CFAP57: variants seen among roughly 807,000 people sequenced by gnomAD.
The protein encoded by CFAP57 is cilia and flagella associated protein 57.
In CFAP57, 116 loss-of-function variants were observed where a neutral mutation model predicts 146.8. The observed-to-expected ratio is 0.79, with a 90% confidence interval of 0.68 to 0.92. The LOEUF (loss-of-function observed/expected upper bound fraction) is 0.92, where lower values mean the gene tolerates loss of function less well. CFAP57 is among the 40% of genes least tolerant of loss of function. The pLI is 0.00. For missense variants in CFAP57, 1,377 were observed against 1,527.2 expected (o/e 0.90, Z 1.64); for synonymous variants, 518 against 552.8 (o/e 0.94, Z 0.88).
At position 43,227,083 on chromosome 1, in the gene CFAP57, C is replaced by T; in HGVS notation, c.2966C>T (p.Pro989Leu). The stretch of plus-strand genomic sequence containing the variant: ...AAGGAGCTGAAGAAGCAAATAGAAC[C>T]TCGAGAGAATGAGATCAGGGTGATG... ...KIKELKKQIE[P>L]RENEIRVMKE... Residue 989 changes from proline to leucine, a missense_variant, in exon 18 of 23, where the codon CCT (proline) becomes CTT (leucine). By Grantham distance (98) the Pro-to-Leu change is moderately conservative. Coordinates refer to ENST00000372492, the MANE Select transcript of CFAP57 (RefSeq NM_001378189.1). 6.5e-7 allele frequency: 1 copy of T among 1,544,326 alleles called. No homozygotes were observed. Among genetic ancestry groups the T allele is most frequent in the East Asian group, 2.5e-5 (1 of 40,536 alleles).
At chr1:43,249,847 T>G (rs1646273742) in intron 22 of CFAP57, among the ~76,000 whole-genome samples, 1 of 152,106 alleles carries the variant, frequency 6.6e-6, no homozygotes, top group African/African-American at 2.4e-5. Flanking sequence ...AAGATTCACC[T>G]AACAACATTA....
chr1:43,199,668 C>T (rs1644030770), intron 9 of CFAP57, among the ~76,000 whole-genome samples, 165 bp downstream of exon 9: 1 of 152,182 alleles, frequency 6.6e-6, no homozygotes, highest in African/African-American at 2.4e-5. Flanking sequence ...AATGTAGTTA[C>T]TAATTGCAGT....
chr1:43,250,611 C>T (rs968914602), intron 22 of CFAP57, among the ~76,000 whole-genome samples: 2 of 152,194 alleles, frequency 1.3e-5, no homozygotes, highest in Non-Finnish European at 2.9e-5. Context: ...CACACAATCA[C>T]CAAAACACTA....
intron 22 of CFAP57, among the ~76,000 whole-genome samples, chr1:43,249,981 C>T (rs1174125685): frequency 6.6e-6 from 1 of 152,092 alleles, no homozygotes; most frequent in African/African-American, 2.4e-5. Flanking sequence ...ATATATAAAA[C>T]CCAAACAAAA....
At chr1:43,253,619 G>A (rs1646373836) in intron 22 of CFAP57, among the ~76,000 whole-genome samples, 1 of 152,096 alleles carries the variant, frequency 6.6e-6, no homozygotes. Flanking sequence ...AAGACTGGCA[G>A]TTCAGAAGCC....
chr1:43,232,490 T>C lies in CFAP57; in HGVS notation c.3010-18T>C, dbSNP rs1358511986. 3.9e-6 allele frequency: 6 copies of C among 1,543,168 alleles called. No homozygotes were observed. The African/African-American group carries it at 4.1e-5, about 11-fold the overall frequency. On this transcript the variant is annotated intron_variant, in intron 18 of 22. Coordinates refer to ENST00000372492, the MANE Select transcript of CFAP57 (RefSeq NM_001378189.1). Reference sequence around the variant, plus strand: ...TCTAACTTTCTTCTTCTTGACTCTTTTCCCTTGTTGTCTACAGATGGAAGC... The same window carrying C: ...TCTAACTTTCTTCTTCTTGACTCTTCTCCCTTGTTGTCTACAGATGGAAGC...
chr1:43,249,017 G>A (rs544209273), intron 22 of CFAP57, among the ~76,000 whole-genome samples: 1 of 150,720 alleles, frequency 6.6e-6, no homozygotes, highest in Non-Finnish European at 1.5e-5. Context: ...GAGCAGCTGG[G>A]ACTACAGGCA....
rs568145311 is a variant in CFAP57, at chr1:43,242,216, G to A, written c.3406-1011G>A. ...CCTCAGCCCAGGGGTCAATTCCTAG[G>A]AATCCACCCTAGTCATTCAGGCAGA... On this transcript the variant is annotated intron_variant, in intron 21 of 22. Transcript: ENST00000372492. 3.3e-5 allele frequency among the ~76,000 whole-genome samples: 5 copies of A among 152,152 alleles called. No homozygotes were observed. In the South Asian group the frequency reaches 1.0e-3, roughly 32 times the overall value.
chr1:43,219,806 A>G (rs573610615), intron 13 of CFAP57, among the ~76,000 whole-genome samples: 1 of 152,240 alleles, frequency 6.6e-6, no homozygotes, highest in East Asian at 1.9e-4. Context: ...GTGAAATCCC[A>G]TCTCTAGCCA....
chr1:43,204,417 T>C (rs1644271121), intron 9 of CFAP57, among the ~76,000 whole-genome samples: 1 of 152,186 alleles, frequency 6.6e-6, no homozygotes, highest in Admixed American at 6.5e-5. Flanking sequence ...TTTGTTTGTT[T>C]GTTTATGTTT....
Position 43,243,305 on chromosome 1 carries a change from G to A in CFAP57, c.3484G>A (p.Glu1162Lys). The change falls in exon 22 of 23, where the codon GAA becomes AAA. Residue 1162 changes from glutamate to lysine, a missense_variant. Glu to Lys is a moderately conservative substitution (Grantham distance 56). Coordinates refer to ENST00000372492, the MANE Select transcript of CFAP57 (RefSeq NM_001378189.1). ...CACTCGGTCCCAAGTCTATGACCTT[G>A]AAGCAGCTCTGAAACTGACCAAGAA... ...KFTRSQVYDL[E>K]AALKLTKKVR... The A allele has an allele frequency of 6.5e-7, 1 of 1,546,538 alleles. No individual in the cohort carries two copies.
Position 43,234,526 on chromosome 1 carries a change from A to T in CFAP57, c.3293A>T (p.Gln1098Leu). ...VEIAGLNTDL[Q>L]QEYTRQREHL... Reference sequence around the variant, plus strand: ...ATCGCAGGGCTGAACACAGACCTGCAGCAGGAGTACACCCGGCAGCGGGAG... The same window carrying T: ...ATCGCAGGGCTGAACACAGACCTGCTGCAGGAGTACACCCGGCAGCGGGAG... The change falls in exon 21 of 23, where the codon CAG becomes CTG. Residue 1098 changes from glutamine (Q) to leucine (L), a missense_variant. Transcript: ENST00000372492. 1 of 1,550,338 alleles carries T rather than the reference A, an allele frequency of 6.5e-7. No homozygotes were observed. The highest frequency in any genetic ancestry group is 8.7e-7 in the Non-Finnish European group (1 of 1,146,842).
In CFAP57 at chr1:43,192,980, A is replaced by G. The variant is rs919430667; in HGVS notation, c.1123-4573A>G. Among the ~76,000 whole-genome samples, 8 of 152,110 alleles carry G rather than the reference A, an allele frequency of 5.3e-5. No individual in the cohort carries two copies. In the East Asian group the frequency reaches 1.3e-3, roughly 26 times the overall value. ...TGGTATATTGCAATCTTCAACTCCT[A>G]TTGTTGAGCTGTCTATTTTCCCCTT... is the stretch of plus-strand genomic sequence containing the variant. On this transcript the variant is annotated intron_variant, in intron 6 of 22. Coordinates refer to ENST00000372492, the MANE Select transcript of CFAP57 (RefSeq NM_001378189.1).
Position 43,237,737 on chromosome 1 carries a change from C to T in CFAP57, c.3405+3099C>T, listed in dbSNP as rs113583615. On this transcript the variant is annotated intron_variant, in intron 21 of 22. Coordinates refer to ENST00000372492, the MANE Select transcript of CFAP57 (RefSeq NM_001378189.1). ...AGGTGCTTGGAGACCCAAGAGTCCA[C>T]GAGAAGAGAGTCCAAGTGGAGAAGA... Among the ~76,000 whole-genome samples, 1,516 of 152,178 alleles carry T rather than the reference C, an allele frequency of 1.0e-2. 31 individuals are homozygous for T. Among genetic ancestry groups the T allele is most frequent in the African/African-American group, 0.033 (1,387 of 41,486 alleles).
chr1:43,254,125 C>A lies in CFAP57; in HGVS notation c.3687C>A (p.Thr1229=). 6.4e-7 allele frequency: 1 copy of A among 1,550,682 alleles called. No individual in the cohort carries two copies. The highest frequency in any genetic ancestry group is 8.7e-7 in the Non-Finnish European group (1 of 1,147,006). The change falls in exon 23 of 23, where the codon ACC becomes ACA. Residue 1229 remains threonine (T), a synonymous_variant. Transcript: ENST00000372492. Reference sequence around the variant, plus strand: ...AAGAGCAGGTCACAGGGTTCCACACCCTCGCTGGAGTTCGGCTTCCTTCCC... The same window carrying A: ...AAGAGCAGGTCACAGGGTTCCACACACTCGCTGGAGTTCGGCTTCCTTCCC... ...QEQEQVTGFH[T]LAGVRLPSLS...
intron 9 of CFAP57, among the ~76,000 whole-genome samples, chr1:43,204,126 T>A (rs183959565): frequency 6.6e-6 from 1 of 152,220 alleles, no homozygotes; most frequent in Non-Finnish European, 1.5e-5. Flanking sequence ...TTCCAGTGAA[T>A]TTTTCGTTTT....
chr1:43,175,818 G>A (rs1220983150), intron 2 of CFAP57, among the ~76,000 whole-genome samples: 4 of 130,664 alleles, frequency 3.1e-5, no homozygotes, highest in African/African-American at 1.6e-4. Context: ...CATGTTTTTG[G>A]GTTTTTTTTT....
Position 43,203,722 on chromosome 1 carries a change from G to T in CFAP57, c.1543-2998G>T, listed in dbSNP as rs566356258. ...GATCCACCTGCCTTGGCCTCCCAAA[G>T]TGCTGGGATTACAGGTGTGAGCCAC... On this transcript the variant is annotated intron_variant, in intron 9 of 22. Transcript: ENST00000372492. 3.7e-3 allele frequency among the ~76,000 whole-genome samples: 558 copies of T among 152,222 alleles called. 6 individuals carry two copies. The highest frequency in any genetic ancestry group is 0.013 in the African/African-American group (530 of 41,524).
intron 22 of CFAP57, among the ~76,000 whole-genome samples, chr1:43,249,006 C>T (rs534456887): frequency 3.3e-5 from 5 of 151,396 alleles, no homozygotes; most frequent in South Asian, 2.1e-4. Flanking sequence ...CTCAGCCTCC[C>T]GAGCAGCTGG....
Sources: gnomAD v4.1 joint callset for allele counts (sites outside exome capture counted in the v4.1 genomes callset) on GRCh38, gnomAD v4.1.1 for gene constraint, MANE v1.5 for transcripts, NCBI Gene and HGNC (gene_info 2026-07-23, HGNC 2026-07-21) for gene names.